The following FER variants were observed in gnomAD, a reference collection of about 807,000 sequenced individuals.
FER encodes tyrosine-protein kinase Fer.
FER carries 63 observed loss-of-function variants against 111.0 expected under a neutral mutation model. That is an observed-to-expected ratio of 0.57 (90% CI 0.46 to 0.70). The LOEUF (loss-of-function observed/expected upper bound fraction) is 0.70, where lower values mean the gene tolerates loss of function less well. Among genes scored for constraint, FER ranks in the 30% least tolerant of loss-of-function variants. The pLI is 0.00. For synonymous variants in FER, 327 were observed against 313.9 expected (o/e 1.04, Z -0.44); for missense variants, 914 against 954.0 (o/e 0.96, Z 0.55).
intron 13 of FER, among the ~76,000 whole-genome samples, chr5:109,020,864 T>G (rs1011778213): frequency 2.0e-5 from 3 of 152,046 alleles, no homozygotes; most frequent in African/African-American, 7.2e-5. Context: ...AATAATTATC[T>G]CAATCGTTTT....
intron 17 of FER, among the ~76,000 whole-genome samples, chr5:109,122,363 GTGTT>G: frequency 1.3e-5 from 2 of 152,114 alleles, no homozygotes; most frequent in Middle Eastern, 3.4e-3. Context: ...TAATTTCCGT[GTGTT>G]TGTATAGTTT....
intron 17 of FER, among the ~76,000 whole-genome samples, chr5:109,176,122 A>C (rs1163304697): frequency 6.6e-6 from 1 of 152,192 alleles, no homozygotes; most frequent in Non-Finnish European, 1.5e-5. Context: ...AAAAAAAACT[A>C]AGAGTAGAAC....
intron 17 of FER, among the ~76,000 whole-genome samples, chr5:109,105,680 C>G (rs890062194): frequency 1.7e-4 from 26 of 152,116 alleles, no homozygotes; most frequent in African/African-American, 5.8e-4. Context: ...AATGTGCTGA[C>G]TCCATTCTGA....
chr5:108,781,899 C>T (rs1301599655), intron 2 of FER, among the ~76,000 whole-genome samples: 1 of 151,406 alleles, frequency 6.6e-6, no homozygotes, highest in African/African-American at 2.4e-5. Flanking sequence ...GTTTTCCCTC[C>T]CTCTGTCAGA....
intron 10 of FER, among the ~76,000 whole-genome samples, chr5:108,903,381 C>G (rs1750312435): frequency 6.6e-6 from 1 of 152,144 alleles, no homozygotes; most frequent in Non-Finnish European, 1.5e-5. Flanking sequence ...TAAAAATTGT[C>G]AGGCCAGGCC....
At chr5:108,778,308 T>C (rs993405147) in intron 2 of FER, among the ~76,000 whole-genome samples, 1 of 152,194 alleles carries the variant, frequency 6.6e-6, no homozygotes, top group Non-Finnish European at 1.5e-5. Context: ...TTCAACTCTT[T>C]CCATACCAAG....
chr5:108,992,035 GT>G (rs1235830258), intron 13 of FER, among the ~76,000 whole-genome samples: 1 of 152,116 alleles, frequency 6.6e-6, no homozygotes, highest in Non-Finnish European at 1.5e-5. Flanking sequence ...CTTCCGCAGT[GT>G]TTGTGTCCCT....
At chr5:109,054,982 G>A (rs1773438967) in intron 16 of FER, among the ~76,000 whole-genome samples, 1 of 152,116 alleles carries the variant, frequency 6.6e-6, no homozygotes, top group South Asian at 2.1e-4. Context: ...CTTGATGACA[G>A]TAGCTTTATA....
intron 2 of FER, among the ~76,000 whole-genome samples, chr5:108,776,783 T>G (rs1204584822): frequency 6.6e-6 from 1 of 152,222 alleles, no homozygotes; most frequent in Non-Finnish European, 1.5e-5. Context: ...ATGTAAGCAC[T>G]CACTTAATCC....
At chr5:108,985,516 TGA>T (rs1762472077) in intron 13 of FER, among the ~76,000 whole-genome samples, 1 of 152,162 alleles carries the variant, frequency 6.6e-6, no homozygotes, top group South Asian at 2.1e-4. Flanking sequence ...TTGTGATTTC[TGA>T]GATTATGGTG....
At chr5:109,182,443 A>T (rs1017180242) in intron 18 of FER, among the ~76,000 whole-genome samples, 1 of 152,162 alleles carries the variant, frequency 6.6e-6, no homozygotes, top group African/African-American at 2.4e-5. Context: ...TTCCATAGTG[A>T]TTCCTCTCTG....
chr5:108,918,506 A>G (rs1165224417), intron 10 of FER, among the ~76,000 whole-genome samples: 2 of 137,484 alleles, frequency 1.5e-5, no homozygotes, highest in Non-Finnish European at 3.1e-5. Context: ...TTTTTTTTTG[A>G]GATGGAGTCT....
chr5:109,048,641 A>T (rs982533753), intron 16 of FER, among the ~76,000 whole-genome samples: 2 of 152,216 alleles, frequency 1.3e-5, no homozygotes, highest in Non-Finnish European at 2.9e-5. Flanking sequence ...GAATAAGAAT[A>T]ATAAACTTCA....
intron 9 of FER, 66 bp from the exon 10 acceptor site, chr5:108,897,593 C>T: frequency 8.9e-7 from 1 of 1,128,750 alleles, no homozygotes. Context: ...GCATAATTTA[C>T]ATATATGAGG....
At chr5:109,182,654 A>G (rs564090876) in intron 18 of FER, among the ~76,000 whole-genome samples, 18 of 152,208 alleles carry the variant, frequency 1.2e-4, no homozygotes, top group Non-Finnish European at 1.5e-5. Flanking sequence ...TCTGTGTTAT[A>G]TAGCCTTTAA....
chr5:109,010,909 T>G lies in FER; in HGVS notation c.1657-26513T>G, dbSNP rs150090390. Among the ~76,000 whole-genome samples, 1,049 of 152,316 alleles carry G rather than the reference T, an allele frequency of 6.9e-3. 3 individuals are homozygous for G. Among genetic ancestry groups the G allele is most frequent in the Admixed American group, 9.7e-3 (148 of 15,296 alleles). ...AAAGTGAAATGAAATCAGTTTATTT[T>G]GTGAAGTAAAAAAGTGAAATGAGTT... On this transcript the variant is annotated intron_variant, in intron 13 of 19. Coordinates refer to ENST00000281092, the MANE Select transcript of FER (RefSeq NM_005246.4).
At chr5:108,902,199 A>C (rs1357782721) in intron 10 of FER, among the ~76,000 whole-genome samples, 1 of 152,210 alleles carries the variant, frequency 6.6e-6, no homozygotes, top group African/African-American at 2.4e-5. Flanking sequence ...ACGGGCTATA[A>C]GAATACACAT....
intron 17 of FER, among the ~76,000 whole-genome samples, chr5:109,173,771 A>G (rs114449836): frequency 7.2e-6 from 1 of 138,616 alleles, no homozygotes; most frequent in Non-Finnish European, 1.6e-5. Context: ...CCCCCCCACA[A>G]GTAACATACA....
chr5:108,971,562 G>A (rs1005226788), intron 13 of FER, among the ~76,000 whole-genome samples: 4 of 152,118 alleles, frequency 2.6e-5, no homozygotes, highest in African/African-American at 9.7e-5. Context: ...TGGGATTTTA[G>A]ATAACAGTGT....
Sources: gnomAD v4.1 joint callset for allele counts (sites outside exome capture counted in the v4.1 genomes callset) on GRCh38, gnomAD v4.1.1 for gene constraint, MANE v1.5 for transcripts, NCBI Gene and HGNC (gene_info 2026-07-23, HGNC 2026-07-21) for gene names.